The following GSG1L variants were observed in gnomAD, a reference collection of about 807,000 sequenced individuals.
The protein encoded by GSG1L is germ cell-specific gene 1-like protein.
GSG1L carries 24 observed loss-of-function variants against 42.1 expected under a neutral mutation model. The ratio of observed to expected loss-of-function variants is 0.57; its 90% CI spans 0.41 to 0.80. GSG1L has a LOEUF of 0.80. GSG1L is among the 30% of genes least tolerant of loss of function. The probability of loss-of-function intolerance (pLI) is 0.00; values close to 1 mark genes in which losing one functional copy is unlikely to be tolerated. For missense variants in GSG1L, 445 were observed against 472.2 expected, an observed-to-expected ratio of 0.94 and a Z score of 0.53; for synonymous variants, 215 against 203.5, an observed-to-expected ratio of 1.06 and a Z score of -0.48.
chr16:28,030,560 G>A (rs1375075481), intron 1 of GSG1L, among the ~76,000 whole-genome samples: 1 of 152,216 alleles, frequency 6.6e-6, no homozygotes, highest in African/African-American at 2.4e-5. Flanking sequence ...CCTGGATCCA[G>A]CTGAGACTGA....
At position 27,900,219 on chromosome 16, in the gene GSG1L, T is replaced by A. The variant is rs138202256; in HGVS notation, c.398-15581A>T. On this transcript the variant is annotated intron_variant, in intron 2 of 6. Transcript: ENST00000447459. ...CCTGCGGGGTGAGACACACACCCAG[T>A]GACAACCACGCTCTACAGCACCCAC... Among the ~76,000 whole-genome samples, 563 of 152,294 alleles carry A rather than the reference T, an allele frequency of 3.7e-3. 5 individuals carry two copies. The highest frequency in any genetic ancestry group is 5.7e-3 in the Non-Finnish European group (386 of 68,020).
At chr16:27,909,955 CTTTTTTT>C (rs67729209) in intron 2 of GSG1L, among the ~76,000 whole-genome samples, 4 of 129,944 alleles carry the variant, frequency 3.1e-5, no homozygotes, top group African/African-American at 5.6e-5. Flanking sequence ...TCTTTTCTTT[CTTTTTTT>C]TTTTTTTTTT....
rs529159123 is a variant in GSG1L at position 27,787,550 on chromosome 16, A to G, written c.*3820T>C. 3.3e-5 allele frequency: 5 copies of G among 152,288 alleles called. No individual in the cohort carries two copies. Among genetic ancestry groups the G allele is most frequent in the South Asian group, 4.1e-4 (2 of 4,828 alleles). 9.4% of individuals were successfully genotyped at this position (152,288 alleles called of 1,614,324 possible). ...ATACCACTTGCACGATTATTTATTT[A>G]ATATTTTTCTTTAAGCCAACTCTTT... is the stretch of plus-strand genomic sequence containing the variant. On this transcript the variant is annotated 3_prime_UTR_variant, in exon 7 of 7. Transcript: ENST00000447459.
intron 1 of GSG1L, among the ~76,000 whole-genome samples, chr16:28,003,995 C>T (rs1306273431): frequency 6.6e-6 from 1 of 152,232 alleles, no homozygotes; most frequent in East Asian, 1.9e-4. Context: ...ACACGGGCGG[C>T]ACAGCTGCTG....
chr16:27,927,881 G>T (rs1402488189), intron 2 of GSG1L, among the ~76,000 whole-genome samples: 1 of 152,196 alleles, frequency 6.6e-6, no homozygotes, highest in East Asian at 1.9e-4. Flanking sequence ...CTCTTGGGAG[G>T]CGTGTGGGGT....
intron 6 of GSG1L, among the ~76,000 whole-genome samples, chr16:27,793,792 C>G (rs949502503): frequency 6.6e-6 from 1 of 152,166 alleles, no homozygotes; most frequent in African/African-American, 2.4e-5. Flanking sequence ...GGGCTCAGAG[C>G]CATTTAAGGT....
chr16:27,957,500 G>A (rs2085020161), intron 2 of GSG1L, among the ~76,000 whole-genome samples: 1 of 152,166 alleles, frequency 6.6e-6, no homozygotes, highest in South Asian at 2.1e-4. Context: ...TGCTTATACT[G>A]TCTTGCCAGT....
intron 1 of GSG1L, among the ~76,000 whole-genome samples, chr16:28,035,444 A>C (rs1020553480): frequency 1.3e-5 from 2 of 152,164 alleles, no homozygotes; most frequent in Non-Finnish European, 2.9e-5. Context: ...ACTTAGTGAC[A>C]ATTACTATTT....
intron 3 of GSG1L, among the ~76,000 whole-genome samples, chr16:27,859,098 A>T (rs968468109): frequency 6.6e-6 from 1 of 152,036 alleles, no homozygotes; most frequent in African/African-American, 2.4e-5. Context: ...TGCTATGAGG[A>T]GCCACGAGAC....
At chr16:28,042,095 A>G (rs2086112423) in intron 1 of GSG1L, among the ~76,000 whole-genome samples, 1 of 152,196 alleles carries the variant, frequency 6.6e-6, no homozygotes, top group African/African-American at 2.4e-5. Context: ...TCTTTCCATG[A>G]TCACATCACC....
chr16:27,883,267 G>GA (rs10708292), intron 3 of GSG1L, among the ~76,000 whole-genome samples: 1 of 149,030 alleles, frequency 6.7e-6, no homozygotes, highest in African/African-American at 2.5e-5. Context: ...AGATGGAGGG[G>GA]AAAAAAAAAA....
At chr16:27,939,583 C>CTG (rs1487790253) in intron 2 of GSG1L, among the ~76,000 whole-genome samples, 2 of 152,188 alleles carry the variant, frequency 1.3e-5, no homozygotes, top group Non-Finnish European at 2.9e-5. Context: ...GCCACCAGAA[C>CTG]AGGACTTCTG....
intron 3 of GSG1L, among the ~76,000 whole-genome samples, chr16:27,846,817 C>T (rs557180602): frequency 7.2e-5 from 11 of 152,006 alleles, no homozygotes; most frequent in South Asian, 2.1e-4. Context: ...ATTACCCGGG[C>T]GTGGTGGTGG....
intron 1 of GSG1L, among the ~76,000 whole-genome samples, chr16:28,006,847 C>T (rs2085645874): frequency 6.6e-6 from 1 of 152,142 alleles, no homozygotes; most frequent in African/African-American, 2.4e-5. Flanking sequence ...GTGAGCCACC[C>T]TAGCAACCAT....
intron 1 of GSG1L, among the ~76,000 whole-genome samples, chr16:27,993,781 G>A (rs550244292): frequency 6.6e-6 from 1 of 152,288 alleles, no homozygotes; most frequent in South Asian, 2.1e-4. Flanking sequence ...GCACAGATAA[G>A]AAAGGCTACA....
chr16:28,048,103 C>T (rs1567569212), intron 1 of GSG1L, among the ~76,000 whole-genome samples: 1 of 151,420 alleles, frequency 6.6e-6, no homozygotes, highest in South Asian at 2.1e-4. Flanking sequence ...GTGGCATGCA[C>T]CTTTAGTCCC....
chr16:28,044,460 GTT>G (rs1210974475), intron 1 of GSG1L, among the ~76,000 whole-genome samples: 4 of 152,136 alleles, frequency 2.6e-5, no homozygotes, highest in East Asian at 1.9e-4. Context: ...GCACATACAT[GTT>G]TATAGCAGCT....
chr16:27,979,695 G>GAAGGA (rs1555512099), intron 1 of GSG1L, among the ~76,000 whole-genome samples: 6 of 42,444 alleles, frequency 1.4e-4, no homozygotes, highest in East Asian at 3.8e-4. Context: ...AAGAAGGAAG[G>GAAGGA]AAGGAAGGAA....
rs929182946 is a variant in GSG1L at position 27,810,255 on chromosome 16, G to T, written c.831-2701C>A. Among the ~76,000 whole-genome samples the T allele has an allele frequency of 3.9e-5, 6 of 152,194 alleles. No individual in the cohort carries two copies. The East Asian group carries it at 1.2e-3, about 29-fold the overall frequency. On this transcript the variant is annotated intron_variant, in intron 5 of 6. Coordinates refer to ENST00000447459, the MANE Select transcript of GSG1L (RefSeq NM_001109763.2). ...GTGCTTTGGGAGGCTGCAGTGGGCA[G>T]ATTGCTTGAGCCCAGGAGTTCGAGA... is the stretch of plus-strand genomic sequence containing the variant.
Sources: gnomAD v4.1 joint callset for allele counts (sites outside exome capture counted in the v4.1 genomes callset) on GRCh38, gnomAD v4.1.1 for gene constraint, MANE v1.5 for transcripts, NCBI Gene and HGNC (gene_info 2026-07-23, HGNC 2026-07-21) for gene names.